The following MACROD1 variants were observed in gnomAD, a reference collection of about 807,000 sequenced individuals.
MACROD1 encodes the protein ADP-ribose glycohydrolase MACROD1.
A neutral mutation model predicts 41.4 loss-of-function variants in MACROD1; 31 were observed. The ratio of observed to expected loss-of-function variants is 0.75; its 90% CI spans 0.56 to 1.01. The LOEUF (loss-of-function observed/expected upper bound fraction) is 1.01. Ranked by LOEUF, MACROD1 falls within the 50% of genes least tolerant of loss-of-function variation. The pLI, the probability that MACROD1 is intolerant of heterozygous loss-of-function variation, is 0.00. For missense variants in MACROD1, 473 were observed against 460.0 expected (o/e 1.03, Z -0.26); for synonymous variants, 252 against 203.4 (o/e 1.24, Z -2.03).
chr11:64,038,477 G>A (rs1174718025), intron 3 of MACROD1, among the ~76,000 whole-genome samples: 3 of 152,188 alleles, frequency 2.0e-5, no homozygotes, highest in Non-Finnish European at 2.9e-5. Context: ...TTGACCCTGC[G>A]GGTGTTGAGG....
At chr11:64,142,222 G>A (rs1269325972) in intron 3 of MACROD1, among the ~76,000 whole-genome samples, 5 of 152,150 alleles carry the variant, frequency 3.3e-5, no homozygotes, top group Admixed American at 3.3e-4. Flanking sequence ...AGGGCATGGA[G>A]TCACTTATTC....
intron 3 of MACROD1, among the ~76,000 whole-genome samples, chr11:64,049,369 C>T (rs931683778): frequency 7.2e-5 from 11 of 152,234 alleles, no homozygotes; most frequent in African/African-American, 1.9e-4. Flanking sequence ...GCGGTGCCCA[C>T]GGCCAGTCCT....
At chr11:64,116,089 C>A in intron 3 of MACROD1, 2 of 932,506 alleles carry the variant, frequency 2.1e-6, no homozygotes, top group Non-Finnish European at 3.1e-6. Flanking sequence ...TCCAGCTTGA[C>A]CTCACCCCGC....
At position 64,113,603 on chromosome 11, in the gene MACROD1, GTGGATGGATGGATGGA is replaced by G. The variant is rs138402349; in HGVS notation, c.517+37620_517+37635del. Among the ~76,000 whole-genome samples, 409 of 117,550 alleles carry G rather than the reference GTGGATGGATGGATGGA, an allele frequency of 3.5e-3. 2 individuals are homozygous for G. The highest frequency in any genetic ancestry group is 8.4e-3 in the African/African-American group (243 of 29,084). 77.1% of individuals were successfully genotyped at this position (117,550 alleles called of 152,430 possible). On this transcript the variant is annotated intron_variant, in intron 3 of 10. Coordinates refer to ENST00000255681, the MANE Select transcript of MACROD1 (RefSeq NM_014067.4). ...ATAGCATGGATGGATGGATGGTTAG[GTGGATGGATGGATGGA>G]TGGATGGATGGATGGATGGATGGAT... is the stretch of plus-strand genomic sequence containing the variant.
chr11:64,047,048 C>A (rs528896496), intron 3 of MACROD1, among the ~76,000 whole-genome samples: 1 of 152,184 alleles, frequency 6.6e-6, no homozygotes, highest in African/African-American at 2.4e-5. Context: ...AGTGCCCCCC[C>A]CGGCTAGCAT....
At chr11:64,148,965 G>A (rs1052246848) in intron 3 of MACROD1, 109 of 985,280 alleles carry the variant, frequency 1.1e-4, no homozygotes, top group Admixed American at 7.4e-4. Flanking sequence ...TGGGAAGCCC[G>A]TGTTCAGACC....
At chr11:64,115,843 A>G (rs763220922) in intron 3 of MACROD1, among the ~76,000 whole-genome samples, 3 of 152,254 alleles carry the variant, frequency 2.0e-5, no homozygotes, top group Non-Finnish European at 2.9e-5. Context: ...AGCGTTGGCC[A>G]TAAAGTGGCT....
intron 5 of MACROD1, 124 bp from the exon 6 acceptor site, chr11:63,999,887 C>T: frequency 8.8e-7 from 1 of 1,137,928 alleles, no homozygotes; most frequent in Non-Finnish European, 1.2e-6. Flanking sequence ...TGAGCCTCCT[C>T]CGCGAAGGCC....
In MACROD1 at chr11:64,049,372, C is replaced by A. The variant is rs1943647306; in HGVS notation, c.518-34091G>T. Among the ~76,000 whole-genome samples, 5 of 152,238 alleles carry A rather than the reference C, an allele frequency of 3.3e-5. No individual in the cohort carries two copies. The South Asian group carries it at 8.3e-4, about 25-fold the overall frequency. ...GTGCTGTTCACAGCGGTGCCCACGG[C>A]CAGTCCTGGGCAGGGAGGTCAGCAG... is the stretch of plus-strand genomic sequence containing the variant. On this transcript the variant is annotated intron_variant, in intron 3 of 10. Coordinates refer to ENST00000255681, the MANE Select transcript of MACROD1 (RefSeq NM_014067.4).
intron 1 of MACROD1, among the ~76,000 whole-genome samples, chr11:64,164,368 G>A (rs112245658): frequency 3.3e-5 from 5 of 152,346 alleles, no homozygotes; most frequent in African/African-American, 9.6e-5. Flanking sequence ...TAAAAACAGC[G>A]GCAGCCCTCG....
At chr11:64,107,701 C>T (rs1944788205) in intron 3 of MACROD1, among the ~76,000 whole-genome samples, 1 of 152,234 alleles carries the variant, frequency 6.6e-6, no homozygotes, top group African/African-American at 2.4e-5. Flanking sequence ...CAAAGCTGTT[C>T]AGGGTGATGG....
At chr11:64,031,476 CTTTT>C (rs386373983) in intron 3 of MACROD1, among the ~76,000 whole-genome samples, 1 of 114,948 alleles carries the variant, frequency 8.7e-6, no homozygotes, top group Non-Finnish European at 1.7e-5. Flanking sequence ...GCCTGCCTTC[CTTTT>C]TTTTTTTTTT....
At chr11:64,108,939 C>T (rs2134585152) in intron 3 of MACROD1, among the ~76,000 whole-genome samples, 1 of 152,244 alleles carries the variant, frequency 6.6e-6, no homozygotes, top group African/African-American at 2.4e-5. Flanking sequence ...AGGACAGAGG[C>T]AGGCAGGTGG....
Position 64,058,586 on chromosome 11 carries a change from C to T in MACROD1, c.518-43305G>A, listed in dbSNP as rs112151194. 6.6e-5 allele frequency among the ~76,000 whole-genome samples: 10 copies of T among 152,240 alleles called. No individual in the cohort carries two copies. In the East Asian group the frequency reaches 1.3e-3, roughly 21 times the overall value. On this transcript the variant is annotated intron_variant, in intron 3 of 10. Transcript: ENST00000255681. ...ACTGAAGAGGGGGTGGTGGAGGAGC[C>T]GGCAGCTGCCGGGTGCAGCGGGCAC...
chr11:64,103,523 A>C (rs1944707287), intron 3 of MACROD1: 1 of 151,782 alleles, frequency 6.6e-6, no homozygotes, highest in Admixed American at 6.6e-5. Context: ...GCTCCCTCTC[A>C]GCTCCGTCAT....
chr11:64,011,207 C>T (rs1008988879), intron 4 of MACROD1, among the ~76,000 whole-genome samples: 1 of 103,420 alleles, frequency 9.7e-6, no homozygotes, highest in Non-Finnish European at 1.9e-5. Context: ...TGTTGGCTGG[C>T]GTGTTGGCTG....
intron 3 of MACROD1, among the ~76,000 whole-genome samples, chr11:64,141,357 C>A (rs1240044125): frequency 6.6e-6 from 1 of 152,214 alleles, no homozygotes; most frequent in Non-Finnish European, 1.5e-5. Context: ...TTCAAGTCAA[C>A]GCACCCACAG....
At chr11:64,142,258 G>C (rs1945424108) in intron 3 of MACROD1, among the ~76,000 whole-genome samples, 1 of 152,160 alleles carries the variant, frequency 6.6e-6, no homozygotes, top group Admixed American at 6.5e-5. Flanking sequence ...GGTCAGACAT[G>C]GTGGCTCACA....
rs559637996 is a variant in MACROD1 at position 64,128,886 on chromosome 11, G to A, written c.517+22353C>T. 3.9e-5 allele frequency among the ~76,000 whole-genome samples: 6 copies of A among 152,346 alleles called. No homozygotes were observed. In the South Asian group the frequency reaches 1.2e-3, roughly 32 times the overall value. On this transcript the variant is annotated intron_variant, in intron 3 of 10. Transcript: ENST00000255681. ...AGGAGGCCCCGTAAACAGGAATGAA[G>A]AGTGAGTCGATAAACAGTAAATCAA...
Sources: gnomAD v4.1 joint callset for allele counts (sites outside exome capture counted in the v4.1 genomes callset) on GRCh38, gnomAD v4.1.1 for gene constraint, MANE v1.5 for transcripts, NCBI Gene and HGNC (gene_info 2026-07-23, HGNC 2026-07-21) for gene names.